The following MAN1C1 variants were observed in gnomAD, a reference collection of about 807,000 sequenced individuals.
MAN1C1 encodes mannosidase alpha class 1C member 1, also known as mannosyl-oligosaccharide 1,2-alpha-mannosidase IC.
A neutral mutation model predicts 71.5 loss-of-function variants in MAN1C1; 49 were observed. The observed-to-expected ratio is 0.69, with a 90% CI of 0.54 to 0.87. MAN1C1 has a LOEUF of 0.87. Ranked by LOEUF, MAN1C1 falls within the 40% of genes least tolerant of loss-of-function variation. MAN1C1 has a pLI of 0.00. For synonymous variants in MAN1C1, 352 were observed against 343.7 expected, an observed-to-expected ratio of 1.02 and a Z score of -0.27; for missense variants, 743 against 835.0, an observed-to-expected ratio of 0.89 and a Z score of 1.36.
At chr1:25,739,396 A>G (rs1187301605) in intron 2 of MAN1C1, among the ~76,000 whole-genome samples, 2 of 152,208 alleles carry the variant, frequency 1.3e-5, no homozygotes, top group African/African-American at 4.8e-5. Context: ...AAGTCTGTGC[A>G]TTGTCTCATT....
At chr1:25,719,385 A>G (rs936983866) in intron 2 of MAN1C1, among the ~76,000 whole-genome samples, 4 of 148,034 alleles carry the variant, frequency 2.7e-5, no homozygotes, top group African/African-American at 1.0e-4. Flanking sequence ...AATACTTATT[A>G]TTTTTTATCT....
intron 1 of MAN1C1, among the ~76,000 whole-genome samples, chr1:25,624,338 C>A (rs1026973750): frequency 6.6e-6 from 1 of 152,134 alleles, no homozygotes; most frequent in Non-Finnish European, 1.5e-5. Flanking sequence ...GGTGTCTCCA[C>A]CCTCAAAGAG....
chr1:25,633,172 C>T (rs58840988), intron 1 of MAN1C1, among the ~76,000 whole-genome samples: 7,863 of 152,038 alleles, frequency 0.052, 679 homozygotes, highest in African/African-American at 0.18. Context: ...GCCACAATTT[C>T]GATATTTTAA....
At chr1:25,641,546 G>A (rs2045537499) in intron 1 of MAN1C1, among the ~76,000 whole-genome samples, 1 of 152,172 alleles carries the variant, frequency 6.6e-6, no homozygotes, top group Admixed American at 6.5e-5. Flanking sequence ...ATTGCAGTCC[G>A]GAATTATCTG....
chr1:25,757,274 G>A (rs574669836), intron 5 of MAN1C1, among the ~76,000 whole-genome samples: 3 of 152,304 alleles, frequency 2.0e-5, no homozygotes, highest in South Asian at 4.1e-4. Context: ...TTCCTGGGAG[G>A]GCAGTGTGAC....
chr1:25,752,127 G>A (rs1176242779), intron 4 of MAN1C1, among the ~76,000 whole-genome samples: 1 of 152,118 alleles, frequency 6.6e-6, no homozygotes, highest in Non-Finnish European at 1.5e-5. Context: ...GCCCATGGGA[G>A]TAACTCGTAT....
intron 1 of MAN1C1, among the ~76,000 whole-genome samples, chr1:25,662,491 G>A (rs1233227212): frequency 3.9e-5 from 6 of 152,088 alleles, no homozygotes; most frequent in Admixed American, 6.5e-5. Context: ...ACATTTTCTC[G>A]TGTCACAGAC....
chr1:25,731,330 A>ATCATCG (rs1208391321), intron 2 of MAN1C1, among the ~76,000 whole-genome samples: 1 of 143,374 alleles, frequency 7.0e-6, no homozygotes, highest in Non-Finnish European at 1.5e-5. Context: ...AATAATCATC[A>ATCATCG]TCATCGTCAT....
At chr1:25,768,780 C>A (rs2047499335) in intron 7 of MAN1C1, among the ~76,000 whole-genome samples, 1 of 145,154 alleles carries the variant, frequency 6.9e-6, no homozygotes. Context: ...ACTCCCCTCA[C>A]ACATACACAC....
chr1:25,767,948 CCT>C (rs1280349988), intron 7 of MAN1C1, among the ~76,000 whole-genome samples: 1 of 104,698 alleles, frequency 9.6e-6, no homozygotes, highest in Non-Finnish European at 1.9e-5. Flanking sequence ...CCCACACTCC[CCT>C]CACATACATC....
At chr1:25,676,551 G>GA (rs1384053479) in intron 1 of MAN1C1, among the ~76,000 whole-genome samples, 1 of 152,118 alleles carries the variant, frequency 6.6e-6, no homozygotes, top group Non-Finnish European at 1.5e-5. Context: ...TGGAAGAGGA[G>GA]AAAAAAATCA....
At chr1:25,726,892 T>C (rs2046838776) in intron 2 of MAN1C1, among the ~76,000 whole-genome samples, 1 of 131,324 alleles carries the variant, frequency 7.6e-6, no homozygotes. Flanking sequence ...CTCATCTCTA[T>C]TAAAAAAAAA....
chr1:25,627,272 T>TTCTCC (rs1302607195), intron 1 of MAN1C1, among the ~76,000 whole-genome samples: 3 of 149,908 alleles, frequency 2.0e-5, no homozygotes, highest in African/African-American at 7.5e-5. Flanking sequence ...TTCTCTTCTC[T>TTCTCC]TCTCTTGTCT....
intron 1 of MAN1C1, among the ~76,000 whole-genome samples, chr1:25,643,399 C>A (rs1296480932): frequency 1.3e-5 from 2 of 149,114 alleles, no homozygotes; most frequent in Non-Finnish European, 3.0e-5. Context: ...GGACTACAGG[C>A]ACCCGCCACC....
Position 25,758,576 on chromosome 1 carries a change from G to C in MAN1C1, c.930-16G>C, listed in dbSNP as rs1365684773. The C allele has an allele frequency of 6.2e-7, 1 of 1,613,162 alleles. No homozygotes were observed. The highest frequency in any genetic ancestry group is 2.2e-5 in the East Asian group (1 of 44,862). ...GGCCAAAGGGGGGATGACGGGGGCTGCTTCTGTCTTTTCAGTGGGAACTGG... is the reference window on the plus strand; with the variant it reads ...GGCCAAAGGGGGGATGACGGGGGCTCCTTCTGTCTTTTCAGTGGGAACTGG... On this transcript the variant is annotated splice_polypyrimidine_tract_variant and intron_variant, in intron 5 of 11. Coordinates refer to ENST00000374332, the MANE Select transcript of MAN1C1 (RefSeq NM_020379.4).
intron 1 of MAN1C1, among the ~76,000 whole-genome samples, chr1:25,651,637 C>G (rs2124067700): frequency 6.6e-6 from 1 of 152,320 alleles, no homozygotes; most frequent in East Asian, 1.9e-4. Flanking sequence ...TTCCTCTGCC[C>G]TTGCACGGAG....
At chr1:25,630,330 T>C (rs2045360060) in intron 1 of MAN1C1, among the ~76,000 whole-genome samples, 2 of 152,202 alleles carry the variant, frequency 1.3e-5, no homozygotes, top group Non-Finnish European at 2.9e-5. Context: ...AGTCTGGTAA[T>C]GTGATACCTC....
chr1:25,632,755 G>A (rs900080731), intron 1 of MAN1C1, among the ~76,000 whole-genome samples: 28 of 152,082 alleles, frequency 1.8e-4, no homozygotes, highest in Non-Finnish European at 3.7e-4. Flanking sequence ...AAATCACTCA[G>A]GAGCAGATTG....
rs545697074 is a variant in MAN1C1 at position 25,702,390 on chromosome 1, C to T, written c.637+15854C>T. On this transcript the variant is annotated intron_variant, in intron 2 of 11. Coordinates refer to ENST00000374332, the MANE Select transcript of MAN1C1 (RefSeq NM_020379.4). Reference sequence around the variant, plus strand: ...GGGTCCCACAGTCAGTGGAGAGGCACGCTCCCTGGGCTCTCCCAGGCTCTG... The same window carrying T: ...GGGTCCCACAGTCAGTGGAGAGGCATGCTCCCTGGGCTCTCCCAGGCTCTG... Among the ~76,000 whole-genome samples the T allele has an allele frequency of 9.8e-5, 15 of 152,294 alleles. No homozygotes were observed. The East Asian group carries it at 1.2e-3, about 12-fold the overall frequency.
Sources: allele counts gnomAD v4.1 joint callset (sites outside exome capture counted in the v4.1 genomes callset), GRCh38; gene constraint gnomAD v4.1.1; transcripts MANE v1.5; gene names NCBI Gene and HGNC (gene_info 2026-07-23, HGNC 2026-07-21).